The following DDX52 variants were observed in gnomAD, a reference collection of about 807,000 sequenced individuals.
The protein encoded by DDX52 is probable ATP-dependent RNA helicase DDX52.
In DDX52, 59 loss-of-function variants were observed where a neutral mutation model predicts 76.1. That is an observed-to-expected ratio of 0.78 (90% CI 0.63 to 0.96). DDX52 has a LOEUF of 0.96. Ranked by LOEUF, DDX52 falls within the 40% of genes least tolerant of loss-of-function variation. DDX52 has a pLI of 0.00. For synonymous variants in DDX52, 231 were observed against 244.1 expected (o/e 0.95, Z 0.50); for missense variants, 707 against 703.9 (o/e 1.00, Z -0.05).
At chr17:37,628,784 T>C in intron 5 of DDX52, 112 bp from the exon 6 acceptor site, 1 of 738,630 alleles carries the variant, frequency 1.4e-6, no homozygotes. Context: ...TATCTGAAAT[T>C]AAACTCATAA....
At chr17:37,637,252 C>A (rs1408058762) in intron 2 of DDX52, among the ~76,000 whole-genome samples, 1 of 152,080 alleles carries the variant, frequency 6.6e-6, no homozygotes, top group Non-Finnish European at 1.5e-5. Context: ...CTGCCTTAGC[C>A]TCCCAGGTAG....
At chr17:37,627,742 C>G (rs1406893156) in intron 6 of DDX52, among the ~76,000 whole-genome samples, 2 of 151,072 alleles carry the variant, frequency 1.3e-5, no homozygotes, top group Non-Finnish European at 2.9e-5. Context: ...GATTCTCTGG[C>G]TGATATAAGG....
At chr17:37,639,187 T>G (rs2031070585) in intron 2 of DDX52, among the ~76,000 whole-genome samples, 1 of 152,132 alleles carries the variant, frequency 6.6e-6, no homozygotes, top group African/African-American at 2.4e-5. Context: ...ATAGAGCTAA[T>G]TTCCTCAATA....
intron 2 of DDX52, among the ~76,000 whole-genome samples, chr17:37,637,152 G>T (rs2030969660): frequency 6.6e-6 from 1 of 151,718 alleles, no homozygotes. Context: ...TCTTTTTGGA[G>T]TCTTACTGTG....
chr17:37,620,064 A>G, intron 12 of DDX52: 1 of 433,512 alleles, frequency 2.3e-6, no homozygotes, highest in Non-Finnish European at 4.1e-6. Context: ...GATAGCAGCT[A>G]TTTCAACATT....
intron 9 of DDX52, among the ~76,000 whole-genome samples, chr17:37,622,707 T>G: frequency 6.6e-6 from 1 of 152,210 alleles, no homozygotes; most frequent in South Asian, 2.1e-4. Flanking sequence ...CGTATAATTT[T>G]AGAGGGTTTG....
At chr17:37,637,102 C>A (rs929384985) in intron 2 of DDX52, among the ~76,000 whole-genome samples, 3 of 152,006 alleles carry the variant, frequency 2.0e-5, no homozygotes, top group African/African-American at 7.2e-5. Flanking sequence ...GTAGCTGGGA[C>A]TACAGACATG....
chr17:37,621,041 A>G (rs1019706011), intron 11 of DDX52, 86 bp downstream of exon 11: 1 of 1,558,100 alleles, frequency 6.4e-7, no homozygotes, highest in Non-Finnish European at 8.6e-7. Flanking sequence ...CACAGCACTA[A>G]GAAGTGAGCA....
At chr17:37,623,702 T>C (rs562449722) in intron 9 of DDX52, among the ~76,000 whole-genome samples, 1 of 152,328 alleles carries the variant, frequency 6.6e-6, no homozygotes, top group South Asian at 2.1e-4. Context: ...TCAACCAATT[T>C]GGCTCACCCT....
Position 37,625,880 on chromosome 17 carries a change from G to GA in DDX52, c.1136+14dup. 6.2e-7 allele frequency: 1 copy of GA among 1,613,620 alleles called. No individual in the cohort carries two copies. Among genetic ancestry groups the GA allele is most frequent in the Non-Finnish European group, 8.5e-7 (1 of 1,179,624 alleles). On this transcript the variant is annotated intron_variant, in intron 8 of 14. Coordinates refer to ENST00000617633, the MANE Select transcript of DDX52 (RefSeq NM_007010.5). The stretch of plus-strand genomic sequence containing the variant: ...AAAAAAATCAGTGTGATAATGTTGA[G>GA]AAACAATTAAATACCTTGCTCCAAT...
Position 37,643,436 on chromosome 17 carries a change from G to C in DDX52, c.-16C>G. The C allele has an allele frequency of 6.2e-7, 1 of 1,613,278 alleles. No individual in the cohort carries two copies. On this transcript the variant is annotated 5_prime_UTR_variant, in exon 1 of 15. Coordinates refer to ENST00000617633, the MANE Select transcript of DDX52 (RefSeq NM_007010.5). The stretch of plus-strand genomic sequence containing the variant: ...GGACGTCCATCTTTACCCAGAAAGC[G>C]CCACAGTTCTACGGCGCCTGCGCAG...
chr17:37,613,000 C>T lies in DDX52; in HGVS notation c.*1296G>A, dbSNP rs556969803. Reference sequence around the variant, plus strand: ...AGTAGATCTTTCTTTAAATAAATTCCGAAGATGAACAATTTTTGTCCCATC... The same window carrying T: ...AGTAGATCTTTCTTTAAATAAATTCTGAAGATGAACAATTTTTGTCCCATC... On this transcript the variant is annotated 3_prime_UTR_variant, in exon 15 of 15. Coordinates refer to ENST00000617633, the MANE Select transcript of DDX52 (RefSeq NM_007010.5). 1.3e-5 allele frequency: 2 copies of T among 152,058 alleles called. No homozygotes were observed. The highest frequency in any genetic ancestry group is 2.9e-5 in the Non-Finnish European group (2 of 68,012). The allele number at this position is 152,058 out of a possible 1,614,324, so 9.4% of individuals were successfully genotyped here.
At chr17:37,640,612 CA>C (rs35112266) in intron 2 of DDX52, among the ~76,000 whole-genome samples, 7 of 124,672 alleles carry the variant, frequency 5.6e-5, no homozygotes, top group Non-Finnish European at 1.2e-4. Context: ...AAGTGTTTAC[CA>C]AAAAAAGGTA....
In DDX52 at chr17:37,624,451, C is replaced by T. The variant is rs1437768072; in HGVS notation, c.1137-17G>A. The T allele has an allele frequency of 1.9e-6, 3 of 1,559,432 alleles. No homozygotes were observed. Among genetic ancestry groups the T allele is most frequent in the Non-Finnish European group, 2.6e-6 (3 of 1,147,454 alleles). On this transcript the variant is annotated splice_polypyrimidine_tract_variant and intron_variant, in intron 8 of 14. Coordinates refer to ENST00000617633, the MANE Select transcript of DDX52 (RefSeq NM_007010.5). ...GCAGAATTCCTGGGAAGAAAATATA[C>T]CTTGTAGTTTGTAAGAGTTAATTTT...
At chr17:37,633,811 TG>T (rs1479795384) in intron 2 of DDX52, among the ~76,000 whole-genome samples, 2 of 152,092 alleles carry the variant, frequency 1.3e-5, no homozygotes, top group African/African-American at 4.8e-5. Flanking sequence ...GCAAGTTCTG[TG>T]TTGGTATGAT....
Position 37,632,153 on chromosome 17 carries a change from G to A in DDX52, c.563C>T (p.Pro188Leu), listed in dbSNP as rs772810336. 9.3e-6 allele frequency: 15 copies of A among 1,613,236 alleles called. No individual in the cohort carries two copies. Among genetic ancestry groups the A allele is most frequent in the Non-Finnish European group, 1.2e-5 (14 of 1,179,896 alleles). Residue 188 changes from proline (P) to leucine (L), a missense_variant, in exon 4 of 15, where the codon CCT (proline) becomes CTT (leucine). Transcript: ENST00000617633. ...QNILDAGFQM[P>L]TPIQMQAIPV... is the part of the protein sequence containing the mutation. ...GATGGCTTGCATTTGGATTGGCGTA[G>A]GCATTTGGAAACCTGCATCTAGAAT... is the stretch of plus-strand genomic sequence containing the variant.
chr17:37,640,939 A>G (rs1480115703), intron 2 of DDX52, among the ~76,000 whole-genome samples: 1 of 152,036 alleles, frequency 6.6e-6, no homozygotes, highest in Non-Finnish European at 1.5e-5. Flanking sequence ...AGCGGAAAAC[A>G]TGCCATTGCA....
At chr17:37,628,124 T>C (rs1346469401) in intron 6 of DDX52, among the ~76,000 whole-genome samples, 2 of 152,040 alleles carry the variant, frequency 1.3e-5, no homozygotes, top group Non-Finnish European at 2.9e-5. Flanking sequence ...AGTATTTCCA[T>C]GGCAGATTAA....
At position 37,632,224 on chromosome 17, in the gene DDX52, C is replaced by T. The variant is rs377554609; in HGVS notation, c.492G>A (p.Gln164=). 1.6e-5 allele frequency: 26 copies of T among 1,613,844 alleles called. No individual in the cohort carries two copies. Among genetic ancestry groups the T allele is most frequent in the Non-Finnish European group, 2.2e-5 (26 of 1,180,002 alleles). The change falls in exon 4 of 15, where the codon CAG becomes CAA. Residue 164 remains glutamine (Q), a synonymous_variant. Transcript: ENST00000617633. ...TGATTTTATATTCCTGGTCAAGTTG[C>T]TGAAATGTAGCAATTGGGTCAGGAA... ...TDLPDPIATF[Q]QLDQEYKINS...
Sources: allele counts gnomAD v4.1 joint callset (sites outside exome capture counted in the v4.1 genomes callset), GRCh38; gene constraint gnomAD v4.1.1; transcripts MANE v1.5; gene names NCBI Gene and HGNC (gene_info 2026-07-23, HGNC 2026-07-21).